Variants in ADAM7 observed in about 807,000 individuals in gnomAD.
The protein encoded by ADAM7 is ADAM metallopeptidase domain 7, also known as disintegrin and metalloproteinase domain-containing protein 7.
ADAM7 carries 97 observed loss-of-function variants against 102.9 expected under a neutral mutation model. The observed-to-expected ratio is 0.94, with a 90% CI of 0.80 to 1.12. The LOEUF (loss-of-function observed/expected upper bound fraction) is 1.12. Ranked by LOEUF, ADAM7 falls within the 50% of genes most tolerant of loss-of-function variation. ADAM7 has a pLI of 0.00. For missense variants in ADAM7, 991 were observed against 908.7 expected (o/e 1.09, Z -1.16); for synonymous variants, 334 against 304.4 (o/e 1.10, Z -1.01).
At chr8:24,494,172 A>G (rs1157089000) in intron 16 of ADAM7, among the ~76,000 whole-genome samples, 2 of 152,226 alleles carry the variant, frequency 1.3e-5, no homozygotes, top group African/African-American at 2.4e-5. Context: ...ATAGAGAAAT[A>G]CATTGGAAAA....
intron 3 of ADAM7, among the ~76,000 whole-genome samples, chr8:24,459,479 C>G (rs1157362790): frequency 1.3e-5 from 2 of 151,692 alleles, no homozygotes; most frequent in Non-Finnish European, 2.9e-5. Flanking sequence ...GTTTTTGAGA[C>G]AGAGTCCTAC....
intron 16 of ADAM7, among the ~76,000 whole-genome samples, chr8:24,496,767 G>A (rs35873580): frequency 0.32 from 48,452 of 152,024 alleles, 7,937 homozygotes; most frequent in Admixed American, 0.39. Flanking sequence ...CCCCCATTGT[G>A]TCCAGAAAGT....
At chr8:24,468,283 A>T (rs1016367843) in intron 6 of ADAM7, among the ~76,000 whole-genome samples, 2 of 151,056 alleles carry the variant, frequency 1.3e-5, no homozygotes, top group African/African-American at 4.9e-5. Flanking sequence ...ACACTTACTC[A>T]GTAAATGAAA....
Position 24,501,466 on chromosome 8 carries a change from C to T in ADAM7, c.2109-11C>T. On this transcript the variant is annotated splice_polypyrimidine_tract_variant and intron_variant, in intron 19 of 21. Coordinates refer to ENST00000175238, the MANE Select transcript of ADAM7 (RefSeq NM_003817.4). ...TCTAATAAATTAGTTGTTCAATTTC[C>T]TTCTTGACAGCCCACCTACAGAAAC... 1 of 1,592,884 alleles carries T rather than the reference C, an allele frequency of 6.3e-7. No homozygotes were observed. Among genetic ancestry groups the T allele is most frequent in the Non-Finnish European group, 8.5e-7 (1 of 1,171,746 alleles).
At chr8:24,478,299 A>G (rs1585893712) in intron 8 of ADAM7, among the ~76,000 whole-genome samples, 1 of 152,108 alleles carries the variant, frequency 6.6e-6, no homozygotes, top group Non-Finnish European at 1.5e-5. Flanking sequence ...CTTGCCACAC[A>G]GTGCTCTCTC....
intron 18 of ADAM7, among the ~76,000 whole-genome samples, 174 bp downstream of exon 18, chr8:24,500,430 C>G (rs1381431023): frequency 1.3e-5 from 2 of 152,164 alleles, no homozygotes; most frequent in African/African-American, 4.8e-5. Flanking sequence ...CCTTTTACAG[C>G]AATTCCCTTT....
chr8:24,479,307 G>A (rs17368967), intron 8 of ADAM7, among the ~76,000 whole-genome samples: 3,137 of 152,218 alleles, frequency 0.021, 122 homozygotes, highest in African/African-American at 0.072. Flanking sequence ...AGGAGATCTT[G>A]AATGGTCTGG....
Position 24,500,859 on chromosome 8 carries a change from G to A in ADAM7, c.2072G>A (p.Arg691His), listed in dbSNP as rs201016794. 2.0e-4 allele frequency: 329 copies of A among 1,612,856 alleles called. No individual in the cohort carries two copies. Among genetic ancestry groups the A allele is most frequent in the Admixed American group, 8.3e-5 (5 of 59,914 alleles). ...ATCGGAGTTCTTATACTATTAGTTCGTTACCGAAAATGTATCAAGTTGAAG... is the reference window on the plus strand; with the variant it reads ...ATCGGAGTTCTTATACTATTAGTTCATTACCGAAAATGTATCAAGTTGAAG... The part of the protein sequence containing the change: ...VGIGVLILLV[R>H]YRKCIKLKQV... The change falls in exon 19 of 22, where the codon CGT becomes CAT. Residue 691 changes from arginine (R) to histidine (H), a missense_variant. Physicochemically the swap from Arg to His is conservative, Grantham distance 29. Coordinates refer to ENST00000175238, the MANE Select transcript of ADAM7 (RefSeq NM_003817.4).
intron 3 of ADAM7, among the ~76,000 whole-genome samples, chr8:24,457,155 T>C (rs911715351): frequency 2.2e-4 from 34 of 152,356 alleles, no homozygotes; most frequent in Non-Finnish European, 4.4e-4. Context: ...CTAGTTGTAA[T>C]ATTTAACTAT....
intron 8 of ADAM7, among the ~76,000 whole-genome samples, chr8:24,479,412 AT>A (rs925615737): frequency 4.2e-4 from 64 of 152,202 alleles, no homozygotes; most frequent in African/African-American, 1.5e-3. Context: ...GCTGTAATAC[AT>A]TTTAATTTGG....
At chr8:24,465,835 TA>T in intron 5 of ADAM7, 60 bp downstream of exon 5, 5 of 1,357,064 alleles carry the variant, frequency 3.7e-6, no homozygotes, top group Non-Finnish European at 5.1e-6. Flanking sequence ...TCAAAGAAGT[TA>T]ACTTTGTTGA....
rs1820249756 is a variant in ADAM7, at chr8:24,489,154, T to C, written c.1092-5T>C. The C allele has an allele frequency of 6.2e-7, 1 of 1,606,262 alleles. No individual in the cohort carries two copies. Among genetic ancestry groups the C allele is most frequent in the Non-Finnish European group, 8.5e-7 (1 of 1,176,552 alleles). ...ATCTTTATTTTTACCTCATTCTATC[T>C]CTAGCATTCCTGCACTGAAATTCAG... is the stretch of plus-strand genomic sequence containing the variant. On this transcript the variant is annotated splice_polypyrimidine_tract_variant and splice_region_variant and intron_variant, in intron 11 of 21. Coordinates refer to ENST00000175238, the MANE Select transcript of ADAM7 (RefSeq NM_003817.4).
At chr8:24,494,846 G>T (rs192692129) in intron 16 of ADAM7, among the ~76,000 whole-genome samples, 165 of 152,268 alleles carry the variant, frequency 1.1e-3, no homozygotes, top group African/African-American at 3.8e-3. Flanking sequence ...TAACGAGATG[G>T]AAAACATTTT....
chr8:24,442,177 AAAAT>A (rs1439536109), intron 1 of ADAM7, among the ~76,000 whole-genome samples: 2 of 152,186 alleles, frequency 1.3e-5, no homozygotes, highest in Non-Finnish European at 2.9e-5. Context: ...CTGTCTCAAA[AAAAT>A]AAATAAATGA....
chr8:24,482,381 C>A, intron 9 of ADAM7, 70 bp downstream of exon 9: 2 of 1,415,578 alleles, frequency 1.4e-6, no homozygotes, highest in Non-Finnish European at 9.3e-7. Flanking sequence ...AAAAAATTAA[C>A]AGAAAAAAAA....
chr8:24,493,348 A>G, intron 16 of ADAM7, 119 bp downstream of exon 16: 2 of 909,972 alleles, frequency 2.2e-6, no homozygotes, highest in South Asian at 5.0e-5. Context: ...AATATTGACA[A>G]GTATTTTTTT....
At chr8:24,490,678 C>T (rs1585911389) in intron 12 of ADAM7, 121 bp from the exon 13 acceptor site, 1 of 931,972 alleles carries the variant, frequency 1.1e-6, no homozygotes, top group East Asian at 2.5e-5. Context: ...TGTACCACAG[C>T]CAACAATCAT....
chr8:24,475,826 A>T (rs1009820796), intron 7 of ADAM7: 1 of 407,298 alleles, frequency 2.5e-6, no homozygotes, highest in Non-Finnish European at 4.9e-6. Context: ...TAATTGATAC[A>T]AGATCCCGAT....
chr8:24,501,312 T>C (rs1441729761), intron 19 of ADAM7, among the ~76,000 whole-genome samples, 165 bp from the exon 20 acceptor site: 2 of 152,164 alleles, frequency 1.3e-5, no homozygotes, highest in African/African-American at 4.8e-5. Flanking sequence ...AAGTATTAAG[T>C]TGATAATTAG....
Sources: gnomAD v4.1 joint callset for allele counts (sites outside exome capture counted in the v4.1 genomes callset) on GRCh38, gnomAD v4.1.1 for gene constraint, MANE v1.5 for transcripts, NCBI Gene and HGNC (gene_info 2026-07-23, HGNC 2026-07-21) for gene names.